Variants in CSMD3 observed in about 807,000 individuals in gnomAD.
The protein encoded by CSMD3 is CUB and sushi domain-containing protein 3.
In CSMD3, 177 loss-of-function variants were observed where a neutral mutation model predicts 435.2. The observed-to-expected ratio is 0.41, with a 90% confidence interval of 0.36 to 0.46. The LOEUF (loss-of-function observed/expected upper bound fraction) is 0.46. Ranked by LOEUF, CSMD3 falls within the 20% of genes least tolerant of loss-of-function variation. The pLI is 0.34. For missense variants in CSMD3, 4,265 were observed against 4,504.6 expected, an observed-to-expected ratio of 0.95 and a Z score of 1.52; for synonymous variants, 1,656 against 1,520.5, an observed-to-expected ratio of 1.09 and a Z score of -2.07.
At chr8:112,311,786 T>TTTC (rs1394269980) in intron 49 of CSMD3, among the ~76,000 whole-genome samples, 1 of 152,204 alleles carries the variant, frequency 6.6e-6, no homozygotes, top group Non-Finnish European at 1.5e-5. Flanking sequence ...CAAATAGCTT[T>TTTC]TTCATATGTA....
chr8:113,332,406 C>G (rs1157818193), intron 1 of CSMD3, among the ~76,000 whole-genome samples: 1 of 150,154 alleles, frequency 6.7e-6, no homozygotes, highest in Non-Finnish European at 1.5e-5. Flanking sequence ...ACACTAAAAA[C>G]TGTTAGAATG....
At chr8:112,302,031 G>A (rs2130760729) in intron 52 of CSMD3, 65 bp from the exon 53 acceptor site, 1 of 1,139,856 alleles carries the variant, frequency 8.8e-7, no homozygotes, top group Non-Finnish European at 1.3e-6. Context: ...TAACAAAACT[G>A]TGCTTTGAAC....
At chr8:112,568,915 C>G (rs1477021619) in intron 24 of CSMD3, among the ~76,000 whole-genome samples, 1 of 152,104 alleles carries the variant, frequency 6.6e-6, no homozygotes, top group Admixed American at 6.6e-5. Context: ...CTCCCTTCTT[C>G]CTTGCTAACA....
intron 57 of CSMD3, among the ~76,000 whole-genome samples, chr8:112,287,827 T>G (rs1041540588): frequency 3.9e-5 from 6 of 152,218 alleles, no homozygotes; most frequent in Admixed American, 3.9e-4. Flanking sequence ...AACATAAAAA[T>G]AAAATGTAAA....
chr8:112,789,566 C>T (rs531276442), intron 13 of CSMD3, among the ~76,000 whole-genome samples: 1 of 151,764 alleles, frequency 6.6e-6, no homozygotes, highest in African/African-American at 2.4e-5. Flanking sequence ...ACAGATAATT[C>T]AGTCACTGAA....
In CSMD3 at chr8:112,224,581, A is replaced by G. The variant is rs1202287787; in HGVS notation, c.*190T>C. ...TCTCAGAGTGCAGCCAAATTTCTGT[A>G]AAACTCTCCATGGTAAACATGAAGA... On this transcript the variant is annotated 3_prime_UTR_variant, in exon 71 of 71. Coordinates refer to ENST00000297405, the MANE Select transcript of CSMD3 (RefSeq NM_198123.2). 3.1e-6 allele frequency: 2 copies of G among 646,228 alleles called. No individual in the cohort carries two copies. The highest frequency in any genetic ancestry group is 5.6e-5 in the East Asian group (2 of 35,964). 40.0% of individuals were successfully genotyped at this position (646,228 alleles called of 1,614,324 possible).
In CSMD3 at chr8:112,341,684, C is replaced by T. The variant is rs1242976890; in HGVS notation, c.6445G>A (p.Val2149Ile). ...WTINLPIGFG[V>I]HLQFVNFSTE... ...GAAAAATTTACAAACTGGAGATGTA[C>T]ACCTGAAGAAGAAAACAAACAGAAT... Residue 2149 changes from valine (V) to isoleucine (I), a missense_variant and splice_region_variant, in exon 42 of 71, where the codon GTA becomes ATA. Physicochemically the swap from Val to Ile is conservative, Grantham distance 29. Around this residue, in one of 3 missense-constraint regions of CSMD3, gnomAD observed 3,255 missense variants for 3,380.2 expected, o/e 0.96. Transcript: ENST00000297405. The T allele has an allele frequency of 6.3e-7, 1 of 1,583,446 alleles. No homozygotes were observed. The highest frequency in any genetic ancestry group is 8.7e-7 in the Non-Finnish European group (1 of 1,152,766).
chr8:112,680,622 T>A (rs2075868088), intron 16 of CSMD3, among the ~76,000 whole-genome samples: 1 of 152,106 alleles, frequency 6.6e-6, no homozygotes, highest in Non-Finnish European at 1.5e-5. Context: ...CTATTTGAAG[T>A]TTGAAAAAGA....
chr8:113,340,681 T>A (rs1487469181), intron 1 of CSMD3, among the ~76,000 whole-genome samples: 2 of 151,856 alleles, frequency 1.3e-5, no homozygotes, highest in Non-Finnish European at 2.9e-5. Flanking sequence ...TTGAGACCAG[T>A]CAGAGCAACA....
intron 13 of CSMD3, among the ~76,000 whole-genome samples, chr8:112,785,867 G>T (rs1167758271): frequency 6.6e-6 from 1 of 152,012 alleles, no homozygotes; most frequent in Non-Finnish European, 1.5e-5. Flanking sequence ...GCAATCTGCA[G>T]ATTTAATGCA....
At chr8:112,696,789 A>C (rs1456989949) in intron 13 of CSMD3, among the ~76,000 whole-genome samples, 2 of 151,750 alleles carry the variant, frequency 1.3e-5, no homozygotes, top group East Asian at 1.9e-4. Context: ...TGAACAGGCA[A>C]CCTACAGAAT....
At chr8:113,414,493 A>T (rs370197085) in intron 1 of CSMD3, among the ~76,000 whole-genome samples, 1 of 152,086 alleles carries the variant, frequency 6.6e-6, no homozygotes, top group East Asian at 1.9e-4. Flanking sequence ...ATTTTAATGT[A>T]TTTATTTGAA....
At chr8:113,072,450 T>C (rs2089167414) in intron 5 of CSMD3, among the ~76,000 whole-genome samples, 1 of 151,738 alleles carries the variant, frequency 6.6e-6, no homozygotes. Context: ...TATATGGTCT[T>C]TATTTTGCTG....
chr8:112,554,703 T>A (rs1827969473), intron 25 of CSMD3, among the ~76,000 whole-genome samples: 1 of 151,964 alleles, frequency 6.6e-6, no homozygotes, highest in Admixed American at 6.6e-5. Context: ...GAGTTCATAT[T>A]CTATATAAAA....
At chr8:113,187,216 T>A (rs1382647760) in intron 3 of CSMD3, among the ~76,000 whole-genome samples, 1 of 151,504 alleles carries the variant, frequency 6.6e-6, no homozygotes, top group East Asian at 2.0e-4. Context: ...CCTTTCAATG[T>A]GTCTGCATTC....
At chr8:113,364,043 G>A (rs2094295277) in intron 1 of CSMD3, among the ~76,000 whole-genome samples, 1 of 151,984 alleles carries the variant, frequency 6.6e-6, no homozygotes, top group Non-Finnish European at 1.5e-5. Flanking sequence ...TAATTTCTAT[G>A]AAATATGTAA....
chr8:113,355,218 G>GTATATATATAA (rs1563737036), intron 1 of CSMD3, among the ~76,000 whole-genome samples: 10 of 152,054 alleles, frequency 6.6e-5, no homozygotes, highest in Non-Finnish European at 1.5e-4. Flanking sequence ...TCCTAATGTG[G>GTATATATATAA]GTATATATAT....
chr8:112,896,920 G>C (rs1343075223), intron 10 of CSMD3, among the ~76,000 whole-genome samples: 1 of 151,230 alleles, frequency 6.6e-6, no homozygotes. Context: ...GCCTCTACAG[G>C]CTATTCCAAA....
At chr8:112,372,158 A>T (rs1372116211) in intron 38 of CSMD3, among the ~76,000 whole-genome samples, 1 of 152,164 alleles carries the variant, frequency 6.6e-6, no homozygotes, top group Non-Finnish European at 1.5e-5. Flanking sequence ...ATAGCCAGAA[A>T]AAAGAAGAGA....
Sources: allele counts gnomAD v4.1 joint callset (sites outside exome capture counted in the v4.1 genomes callset), GRCh38; gene constraint gnomAD v4.1.1; regional missense constraint gnomAD v4.1.1; transcripts MANE v1.5; gene names NCBI Gene and HGNC (gene_info 2026-07-23, HGNC 2026-07-21).